Variants in ADCY2 observed in about 807,000 individuals in gnomAD.
The protein encoded by ADCY2 is adenylate cyclase 2.
Under a neutral mutation model 125.2 loss-of-function variants are expected in ADCY2, and 31 were observed. The observed-to-expected ratio is 0.25, with a 90% confidence interval of 0.19 to 0.33. ADCY2 has a LOEUF of 0.33. Ranked by LOEUF, ADCY2 falls within the 10% of genes least tolerant of loss-of-function variation. The probability of loss-of-function intolerance (pLI) is 1.00; values close to 1 mark genes in which losing one functional copy is unlikely to be tolerated. For synonymous variants in ADCY2, 512 were observed against 548.4 expected (o/e 0.93, Z 0.93); for missense variants, 904 against 1,418.2 (o/e 0.64, Z 5.82).
At chr5:7,603,776 C>T (rs1215438144) in intron 3 of ADCY2, among the ~76,000 whole-genome samples, 1 of 58,144 alleles carries the variant, frequency 1.7e-5, no homozygotes. Flanking sequence ...TGGGGTAATG[C>T]TCTCTTTCTT....
intron 1 of ADCY2, among the ~76,000 whole-genome samples, chr5:7,404,378 T>C (rs1437510797): frequency 6.6e-6 from 1 of 152,222 alleles, no homozygotes; most frequent in Non-Finnish European, 1.5e-5. Flanking sequence ...CATATTAGAT[T>C]ATGTCATGGA....
At chr5:7,711,797 A>C (rs866343002) in intron 10 of ADCY2, among the ~76,000 whole-genome samples, 2 of 152,224 alleles carry the variant, frequency 1.3e-5, no homozygotes, top group Non-Finnish European at 2.9e-5. Context: ...CCTGTTGCAG[A>C]TTCAAAGCCA....
chr5:7,679,056 C>T (rs1022334495), intron 4 of ADCY2, among the ~76,000 whole-genome samples: 20 of 152,356 alleles, frequency 1.3e-4, no homozygotes, highest in East Asian at 5.8e-4. Context: ...CTAACACCTA[C>T]GCTTGAAGCA....
At position 7,446,752 on chromosome 5, in the gene ADCY2, G is replaced by A. The variant is rs114601762; in HGVS notation, c.408+31982G>A. 3.5e-3 allele frequency among the ~76,000 whole-genome samples: 537 copies of A among 152,338 alleles called. 4 individuals are homozygous for A. The highest frequency in any genetic ancestry group is 0.012 in the African/African-American group (511 of 41,570). The stretch of plus-strand genomic sequence containing the variant: ...GGATCCATACCCACGTGTGTGCACA[G>A]TATAGATACATAGTCTTGCCATGCG... On this transcript the variant is annotated intron_variant, in intron 2 of 24. Coordinates refer to ENST00000338316, the MANE Select transcript of ADCY2 (RefSeq NM_020546.3).
chr5:7,729,795 A>G (rs1453079695), intron 14 of ADCY2, among the ~76,000 whole-genome samples: 1 of 148,622 alleles, frequency 6.7e-6, no homozygotes, highest in Admixed American at 6.7e-5. Context: ...AGTGATTATC[A>G]TTAAAATTTC....
chr5:7,656,662 A>G (rs1469244676), intron 4 of ADCY2, among the ~76,000 whole-genome samples: 6 of 152,208 alleles, frequency 3.9e-5, no homozygotes, highest in Admixed American at 6.5e-5. Flanking sequence ...ACAGAATTCT[A>G]TATGGCAGCA....
intron 3 of ADCY2, among the ~76,000 whole-genome samples, chr5:7,611,726 T>C (rs1343932438): frequency 6.6e-6 from 1 of 152,218 alleles, no homozygotes; most frequent in Non-Finnish European, 1.5e-5. Context: ...ATCTCTTACT[T>C]TCTTTATAAG....
intron 3 of ADCY2, among the ~76,000 whole-genome samples, chr5:7,607,390 T>C (rs1327755929): frequency 1.3e-5 from 2 of 152,278 alleles, no homozygotes; most frequent in Non-Finnish European, 2.9e-5. Context: ...TCAGTTTCTC[T>C]GTTGGTAGTG....
At chr5:7,678,197 C>A (rs1052214404) in intron 4 of ADCY2, among the ~76,000 whole-genome samples, 5 of 152,140 alleles carry the variant, frequency 3.3e-5, no homozygotes, top group Non-Finnish European at 7.3e-5. Context: ...TTCACTTTGG[C>A]AGGGCTGCAG....
intron 2 of ADCY2, among the ~76,000 whole-genome samples, chr5:7,510,035 G>T (rs1743997510): frequency 6.6e-6 from 1 of 152,216 alleles, no homozygotes; most frequent in African/African-American, 2.4e-5. Flanking sequence ...AGAAGTAGCA[G>T]AATGGGGTAA....
At chr5:7,666,076 G>A (rs1209408988) in intron 4 of ADCY2, among the ~76,000 whole-genome samples, 2 of 151,506 alleles carry the variant, frequency 1.3e-5, no homozygotes, top group Admixed American at 6.6e-5. Context: ...CTGACCTCGT[G>A]ATCCGCCCGC....
intron 20 of ADCY2, among the ~76,000 whole-genome samples, chr5:7,791,690 G>T (rs981127498): frequency 2.0e-5 from 3 of 152,120 alleles, no homozygotes; most frequent in Admixed American, 2.0e-4. Flanking sequence ...GTTAACAGGA[G>T]TCTCCAGCCC....
Position 7,615,254 on chromosome 5 carries a change from C to G in ADCY2, c.571-10913C>G, listed in dbSNP as rs568966142. On this transcript the variant is annotated intron_variant, in intron 3 of 24. Coordinates refer to ENST00000338316, the MANE Select transcript of ADCY2 (RefSeq NM_020546.3). ...ATTTGTGTGGGGACACAAATCCAGA[C>G]CATATCACTCCCCTTGCCTCCTCAG... Among the ~76,000 whole-genome samples, 8 of 152,276 alleles carry G rather than the reference C, an allele frequency of 5.3e-5. No individual in the cohort carries two copies. The East Asian group carries it at 1.2e-3, about 22-fold the overall frequency.
At chr5:7,760,245 A>T (rs1006070216) in intron 16 of ADCY2, among the ~76,000 whole-genome samples, 1 of 152,220 alleles carries the variant, frequency 6.6e-6, no homozygotes, top group Non-Finnish European at 1.5e-5. Flanking sequence ...ACCTGCATTT[A>T]TGCATTAGTC....
intron 3 of ADCY2, among the ~76,000 whole-genome samples, chr5:7,521,600 A>G (rs1744448297): frequency 6.6e-6 from 1 of 152,238 alleles, no homozygotes. Flanking sequence ...TGCAGCCATG[A>G]CATAAAATGC....
Position 7,802,299 on chromosome 5 carries a change from G to T in ADCY2, c.2710G>T (p.Asp904Tyr). Residue 904 changes from aspartate to tyrosine, a missense_variant, in exon 21 of 25, where the codon GAC (aspartate) becomes TAC (tyrosine). Asp to Tyr is a radical substitution (Grantham distance 160). Around this residue, in one of 7 missense-constraint regions of ADCY2, gnomAD observed 181 missense variants for 381.6 expected, o/e 0.47. Transcript: ENST00000338316. The surrounding 1 kb of genome is among the most constrained non-coding windows in gnomAD (Gnocchi z 4.6). ...TTTCAAAGAATTTTATACAGAATCC[G>T]ACGTGAACAAGGAGGGCTTGGAATG... ...PDFKEFYTES[D>Y]VNKEGLECLR... The T allele has an allele frequency of 6.2e-7, 1 of 1,614,144 alleles. No homozygotes were observed. Among genetic ancestry groups the T allele is most frequent in the Non-Finnish European group, 8.5e-7 (1 of 1,180,014 alleles).
chr5:7,668,827 A>C (rs1739840507), intron 4 of ADCY2, among the ~76,000 whole-genome samples: 1 of 152,290 alleles, frequency 6.6e-6, no homozygotes, highest in Admixed American at 6.5e-5. Context: ...AAAGATGTGA[A>C]GTGTGATGAG....
At chr5:7,648,325 G>A (rs1738970267) in intron 4 of ADCY2, among the ~76,000 whole-genome samples, 1 of 152,126 alleles carries the variant, frequency 6.6e-6, no homozygotes. Flanking sequence ...ACTCATGTGT[G>A]CTCATTATAA....
In ADCY2 at chr5:7,606,126, G is replaced by A. The variant is rs115464508; in HGVS notation, c.571-20041G>A. On this transcript the variant is annotated intron_variant, in intron 3 of 24. Transcript: ENST00000338316. ...TGCTGGATTACATTTATTGATTTGC[G>A]TATATGGTAATGCTCTCTTTCTTGA... Among the ~76,000 whole-genome samples the A allele has an allele frequency of 7.4e-3, 1,122 of 151,992 alleles. 10 individuals carry two copies. The highest frequency in any genetic ancestry group is 0.025 in the African/African-American group (1,052 of 41,452).
Sources: gnomAD v4.1 joint callset for allele counts (sites outside exome capture counted in the v4.1 genomes callset) on GRCh38, gnomAD v4.1.1 for gene constraint, gnomAD v4.1.1 regional missense constraint, Gnocchi (gnomAD v3.1) non-coding constraint, MANE v1.5 for transcripts, NCBI Gene and HGNC (gene_info 2026-07-23, HGNC 2026-07-21) for gene names.